PTPRF: variants seen among roughly 807,000 people sequenced by gnomAD.
PTPRF encodes receptor-type tyrosine-protein phosphatase F.
PTPRF carries 59 observed loss-of-function variants against 201.8 expected under a neutral mutation model. That is an observed-to-expected ratio of 0.29 (90% CI 0.24 to 0.36). PTPRF has a LOEUF of 0.36. PTPRF is among the 10% of genes least tolerant of loss of function. The probability of loss-of-function intolerance (pLI) is 1.00; values close to 1 mark genes in which losing one functional copy is unlikely to be tolerated. For synonymous variants in PTPRF, 1,088 were observed against 1,089.7 expected (o/e 1.00, Z 0.03); for missense variants, 2,132 against 2,690.5 (o/e 0.79, Z 4.59).
chr1:43,602,142 G>A, intron 14 of PTPRF, 45 bp downstream of exon 14: 3 of 1,586,364 alleles, frequency 1.9e-6, no homozygotes, highest in Non-Finnish European at 2.6e-6. Context: ...GGGTCAAGCT[G>A]GGCTCGTGGG....
Position 43,550,082 on chromosome 1 carries a change from G to C in PTPRF, c.92-3410G>C, listed in dbSNP as rs74070604. 2.8e-3 allele frequency among the ~76,000 whole-genome samples: 424 copies of C among 151,566 alleles called. 3 individuals carry two copies. Among genetic ancestry groups the C allele is most frequent in the African/African-American group, 9.9e-3 (410 of 41,268 alleles). ...GGATTGGAGGGAAGCGGAGGGCGAG[G>C]CCTGGTTGAGGGGCGGGGCCTGCCT... On this transcript the variant is annotated intron_variant, in intron 3 of 33. Coordinates refer to ENST00000359947, the MANE Select transcript of PTPRF (RefSeq NM_002840.5).
chr1:43,573,044 T>G (rs1342116426), intron 6 of PTPRF, among the ~76,000 whole-genome samples: 1 of 152,114 alleles, frequency 6.6e-6, no homozygotes, highest in Non-Finnish European at 1.5e-5. Flanking sequence ...ACCCCCCAAG[T>G]AGGAGCTGGA....
chr1:43,550,529 C>T (rs554591031), intron 3 of PTPRF, among the ~76,000 whole-genome samples: 4 of 152,360 alleles, frequency 2.6e-5, no homozygotes, highest in South Asian at 2.1e-4. Context: ...CAGTTCGGTC[C>T]TTCTTTCATT....
intron 5 of PTPRF, among the ~76,000 whole-genome samples, chr1:43,560,005 GTGTA>G (rs747114249): frequency 3.3e-5 from 5 of 151,474 alleles, no homozygotes; most frequent in South Asian, 2.1e-4. Context: ...GTAGCAGGCT[GTGTA>G]TGTATCAGGC....
At chr1:43,529,702 G>A (rs1231549025), upstream of PTPRF, among the ~76,000 whole-genome samples, 2 of 152,102 alleles carry the variant, frequency 1.3e-5, no homozygotes, top group African/African-American at 4.8e-5. Context: ...GTTTTAACAC[G>A]GATTGCGTGG....
chr1:43,579,201 C>T (rs763457624), intron 7 of PTPRF: 2 of 635,912 alleles, frequency 3.1e-6, no homozygotes, highest in South Asian at 3.0e-5. Flanking sequence ...CCCGGAGCCC[C>T]ATGGGAATTT....
Position 43,617,744 on chromosome 1 carries a change from G to A in PTPRF, c.4204G>A (p.Gly1402Arg), listed in dbSNP as rs202116615. The change falls in exon 25 of 34, where the codon GGG becomes AGG. Residue 1402 changes from glycine to arginine, a missense_variant. Transcript: ENST00000359947. ...VILTSIDGVP[G>R]SDYINANYID... ...TCCTTTCTTATCCATAGGCGTCCCC[G>A]GGAGTGACTACATCAATGCCAACTA... The A allele has an allele frequency of 5.4e-5, 87 of 1,613,196 alleles. No individual in the cohort carries two copies. Among genetic ancestry groups the A allele is most frequent in the East Asian group, 1.6e-4 (7 of 44,842 alleles).
intron 5 of PTPRF, among the ~76,000 whole-genome samples, chr1:43,564,975 C>T (rs973495276): frequency 6.6e-6 from 1 of 152,116 alleles, no homozygotes; most frequent in Non-Finnish European, 1.5e-5. Flanking sequence ...AGCCTCCACC[C>T]CCATCTTAGG....
intron 3 of PTPRF, among the ~76,000 whole-genome samples, chr1:43,545,641 A>G (rs1644618225): frequency 1.3e-5 from 2 of 152,086 alleles, no homozygotes; most frequent in Non-Finnish European, 2.9e-5. Flanking sequence ...CTCTTCCCCT[A>G]CGCTGGACCC....
chr1:43,560,207 CTG>C (rs201069145), intron 5 of PTPRF, among the ~76,000 whole-genome samples: 1,679 of 146,418 alleles, frequency 0.011, 14 homozygotes, highest in Non-Finnish European at 0.016. Context: ...GTGCAGCAGA[CTG>C]TGTGTTTGTA....
intron 21 of PTPRF, among the ~76,000 whole-genome samples, chr1:43,608,749 A>G (rs903347781): frequency 3.9e-5 from 6 of 152,192 alleles, no homozygotes; most frequent in Non-Finnish European, 8.8e-5. Flanking sequence ...CCACCTGAGC[A>G]CACTCACTCA....
intron 6 of PTPRF, among the ~76,000 whole-genome samples, chr1:43,576,485 A>G (rs1349736198): frequency 6.6e-6 from 1 of 152,204 alleles, no homozygotes; most frequent in Non-Finnish European, 1.5e-5. Flanking sequence ...AGGGAGGTAA[A>G]CAGGCTCGTG....
chr1:43,547,700 G>A (rs1644768379), intron 3 of PTPRF, among the ~76,000 whole-genome samples: 1 of 152,242 alleles, frequency 6.6e-6, no homozygotes, highest in African/African-American at 2.4e-5. Context: ...AATGAATGGG[G>A]GCCCTGGCCT....
At chr1:43,616,325 G>A (rs184844188) in intron 23 of PTPRF, among the ~76,000 whole-genome samples, 4 of 151,498 alleles carry the variant, frequency 2.6e-5, no homozygotes, top group Admixed American at 1.3e-4. Context: ...CTAACGCTTC[G>A]CTATTATCAT....
At chr1:43,597,628 C>A in intron 11 of PTPRF, 120 bp from the exon 12 acceptor site, 1 of 756,050 alleles carries the variant, frequency 1.3e-6, no homozygotes, top group Non-Finnish European at 2.2e-6. Context: ...CCTGGGATGG[C>A]CATTTCAGCA....
chr1:43,531,539 C>T (rs1227246038), intron 1 of PTPRF, among the ~76,000 whole-genome samples: 2 of 147,438 alleles, frequency 1.4e-5, no homozygotes, highest in Non-Finnish European at 3.0e-5. Context: ...CGGGTCCAGG[C>T]CGCGCCCCCG....
intron 5 of PTPRF, among the ~76,000 whole-genome samples, chr1:43,561,491 A>G (rs923809350): frequency 6.6e-6 from 1 of 152,170 alleles, no homozygotes; most frequent in Non-Finnish European, 1.5e-5. Context: ...CTGGGGTAAC[A>G]GTCTGCTTTG....
chr1:43,561,828 C>T (rs566266136), intron 5 of PTPRF, among the ~76,000 whole-genome samples: 58 of 152,254 alleles, frequency 3.8e-4, no homozygotes, highest in Non-Finnish European at 6.0e-4. Flanking sequence ...GATTCCCTTC[C>T]GAATGGGTGC....
Position 43,605,561 on chromosome 1 carries a change from G to C in PTPRF, c.3422G>C (p.Arg1141Pro), listed in dbSNP as rs568722457. 1 of 1,614,136 alleles carries C rather than the reference G, an allele frequency of 6.2e-7. No individual in the cohort carries two copies. The highest frequency in any genetic ancestry group is 2.2e-5 in the East Asian group (1 of 44,870). The change falls in exon 19 of 34, where the codon CGT (arginine) becomes CCT (proline). Residue 1141 changes from arginine to proline, a missense_variant. Around this residue, in one of 6 missense-constraint regions of PTPRF, gnomAD observed 818 missense variants for 915.3 expected, o/e 0.89. Transcript: ENST00000359947. Reference sequence around the variant, plus strand: ...TACATTGTTGTGGTGCCCATTGACCGTGTGGGCGGGAGCATGCTGACGCCA... The same window carrying C: ...TACATTGTTGTGGTGCCCATTGACCCTGTGGGCGGGAGCATGCTGACGCCA... ...WFYIVVVPID[R>P]VGGSMLTPRW...
Sources: allele counts gnomAD v4.1 joint callset (sites outside exome capture counted in the v4.1 genomes callset), GRCh38; gene constraint gnomAD v4.1.1; regional missense constraint gnomAD v4.1.1; transcripts MANE v1.5; gene names NCBI Gene and HGNC (gene_info 2026-07-23, HGNC 2026-07-21).